The following SEC14L4 variants were observed in gnomAD, a reference collection of about 807,000 sequenced individuals.
SEC14L4 encodes SEC14 like lipid binding 4.
A neutral mutation model predicts 55.1 loss-of-function variants in SEC14L4; 42 were observed. The ratio of observed to expected loss-of-function variants is 0.76; its 90% confidence interval spans 0.60 to 0.99. The LOEUF is 0.99. SEC14L4 is among the 50% of genes least tolerant of loss of function. The pLI, the probability that SEC14L4 is intolerant of heterozygous loss-of-function variation, is 0.00. For missense variants in SEC14L4, 445 were observed against 512.1 expected, an observed-to-expected ratio of 0.87 and a Z score of 1.27; for synonymous variants, 206 against 206.8, an observed-to-expected ratio of 1.00 and a Z score of 0.03.
intron 2 of SEC14L4, among the ~76,000 whole-genome samples, chr22:30,497,114 A>C (rs1412125053): frequency 6.6e-6 from 1 of 152,098 alleles, no homozygotes; most frequent in Non-Finnish European, 1.5e-5. Context: ...CAAGGCGGGC[A>C]GATCACTTGA....
intron 2 of SEC14L4, among the ~76,000 whole-genome samples, chr22:30,503,413 T>C (rs1034521409): frequency 1.7e-4 from 26 of 152,044 alleles, no homozygotes; most frequent in Admixed American, 1.3e-3. Flanking sequence ...TACAGGCATG[T>C]GCCACCAAGC....
chr22:30,496,268 A>G (rs9608946), intron 2 of SEC14L4, among the ~76,000 whole-genome samples: 33,979 of 150,704 alleles, frequency 0.23, 3,861 homozygotes, highest in Admixed American at 0.27. Context: ...CCACACCACC[A>G]TGCCTGGCTA....
chr22:30,495,032 C>G, intron 5 of SEC14L4, 71 bp from the exon 6 acceptor site: 4 of 1,298,954 alleles, frequency 3.1e-6, no homozygotes, highest in Middle Eastern at 3.7e-4. Flanking sequence ...GAGACTTGGG[C>G]ACCTCTCCCC....
At chr22:30,494,267 G>A (rs922699769) in intron 6 of SEC14L4, 57 bp from the exon 7 acceptor site, 3 of 1,393,328 alleles carry the variant, frequency 2.2e-6, no homozygotes, top group Admixed American at 1.7e-5. Context: ...CCGCCCATGG[G>A]TTTCTGTGGC....
At chr22:30,493,320 A>T (rs958123273) in intron 7 of SEC14L4, among the ~76,000 whole-genome samples, 1 of 152,148 alleles carries the variant, frequency 6.6e-6, no homozygotes, top group African/African-American at 2.4e-5. Context: ...CTGTGGGCCA[A>T]GCTCTGTGCT....
chr22:30,492,036 G>C lies in SEC14L4; in HGVS notation c.771+13C>G. Reference sequence around the variant, plus strand: ...CTTCTCCCCTCCTTCCCCATCCTCTGGGCACCCTGTACCTTGGTCAGGCAC... The same window carrying C: ...CTTCTCCCCTCCTTCCCCATCCTCTCGGCACCCTGTACCTTGGTCAGGCAC... On this transcript the variant is annotated intron_variant, in intron 9 of 11. Transcript: ENST00000255858. The C allele has an allele frequency of 6.2e-7, 1 of 1,613,664 alleles. No homozygotes were observed. The highest frequency in any genetic ancestry group is 8.5e-7 in the Non-Finnish European group (1 of 1,179,706).
intron 2 of SEC14L4, among the ~76,000 whole-genome samples, chr22:30,500,197 C>A (rs1467346344): frequency 6.6e-6 from 1 of 152,042 alleles, no homozygotes; most frequent in Non-Finnish European, 1.5e-5. Context: ...TGGCGGAATT[C>A]ATCTGTAGAA....
At chr22:30,499,067 A>T (rs1334216333) in intron 2 of SEC14L4, among the ~76,000 whole-genome samples, 2 of 151,844 alleles carry the variant, frequency 1.3e-5, no homozygotes, top group Non-Finnish European at 1.5e-5. Flanking sequence ...CAGCCTCCTG[A>T]GTAGCTGAGA....
In SEC14L4 at chr22:30,503,744, C is replaced by G. The variant is rs751744744; in HGVS notation, c.63G>C (p.Glu21Asp). ...QQQEALARFR[E>D]NLQDLLPILP... ...GTATGGGCAGCAGGTCCTGGAGGTT[C>G]TCCCGGAACTGAGCGGAGGAGGATC... The change falls in exon 2 of 12, where the codon GAG becomes GAC. Residue 21 changes from glutamate (E) to aspartate (D), a missense_variant. By Grantham distance (45) the Glu-to-Asp change is conservative (BLOSUM62 2). Coordinates refer to ENST00000255858, the MANE Select transcript of SEC14L4 (RefSeq NM_174977.4). 6.2e-7 allele frequency: 1 copy of G among 1,611,886 alleles called. No homozygotes were observed. Among genetic ancestry groups the G allele is most frequent in the South Asian group, 1.1e-5 (1 of 91,046 alleles).
At position 30,492,117 on chromosome 22, in the gene SEC14L4, C is replaced by T; in HGVS notation, c.703G>A (p.Asp235Asn). ...KQELTKFISP[D>N]QLPVEFGGTM... ...CCCCCAAACTCCACAGGCAGCTGGT[C>T]GGGGCTGATGAATTTTGTCAGCTCC... is the stretch of plus-strand genomic sequence containing the variant. The change falls in exon 9 of 12, where the codon GAC becomes AAC. Residue 235 changes from aspartate to asparagine, a missense_variant. Transcript: ENST00000255858. 3.7e-6 allele frequency: 6 copies of T among 1,613,796 alleles called. No homozygotes were observed. Among genetic ancestry groups the T allele is most frequent in the Non-Finnish European group, 5.1e-6 (6 of 1,179,806 alleles).
intron 5 of SEC14L4, 77 bp downstream of exon 5, chr22:30,495,177 G>A: frequency 5.1e-6 from 7 of 1,374,672 alleles, no homozygotes; most frequent in Non-Finnish European, 6.8e-6. Flanking sequence ...GGCTGGGGAG[G>A]GGCAGGGTGC....
intron 11 of SEC14L4, among the ~76,000 whole-genome samples, chr22:30,491,188 G>A (rs1332584432): frequency 6.6e-6 from 1 of 152,178 alleles, no homozygotes; most frequent in African/African-American, 2.4e-5. Flanking sequence ...AAGGCCTGGG[G>A]GTGAATGATA....
chr22:30,492,528 A>G lies in SEC14L4; in HGVS notation c.610T>C (p.Leu204=). ...APKLFPVAFN[L]VKSFMSEETR... The stretch of plus-strand genomic sequence containing the variant: ...TCCTCACTCATGAACGACTTGACCA[A>G]GTTGAAGGCCACGGGGAACAGTTTT... Residue 204 remains leucine (L), a synonymous_variant, in exon 8 of 12, where the codon TTG becomes CTG. Transcript: ENST00000255858. 6.2e-7 allele frequency: 1 copy of G among 1,614,010 alleles called. No homozygotes were observed. Among genetic ancestry groups the G allele is most frequent in the East Asian group, 2.2e-5 (1 of 44,872 alleles).
chr22:30,497,418 G>A (rs554181618), intron 2 of SEC14L4, among the ~76,000 whole-genome samples: 6 of 151,272 alleles, frequency 4.0e-5, no homozygotes, highest in African/African-American at 1.5e-4. Flanking sequence ...CCAGCTACTC[G>A]GGAGGCTGAG....
At chr22:30,496,089 C>T (rs1023005974) in intron 2 of SEC14L4, 118 bp from the exon 3 acceptor site, 1 of 698,734 alleles carries the variant, frequency 1.4e-6, no homozygotes, top group Non-Finnish European at 2.5e-6. Flanking sequence ...CCCAATAATA[C>T]ATTGAACATC....
chr22:30,495,485 G>A (rs368436655), intron 4 of SEC14L4, 43 bp from the exon 5 acceptor site: 26 of 1,608,640 alleles, frequency 1.6e-5, no homozygotes, highest in Non-Finnish European at 2.0e-5. Context: ...AGCTCACCAG[G>A]CTGGGTCCCT....
chr22:30,505,647 T>TCCGC lies in SEC14L4; in HGVS notation c.-40_-37dup, dbSNP rs746820215. The TCCGC allele has an allele frequency of 5.7e-5, 86 of 1,521,984 alleles. No individual in the cohort carries two copies. The African/African-American group carries it at 9.0e-4, about 16-fold the overall frequency. The allele number at this position is 1,521,984 out of a possible 1,614,324, so 94.3% of individuals were successfully genotyped here. A position where few individuals can be genotyped will look rare whatever the true frequency, so the allele number is the denominator to read the frequency against. On this transcript the variant is annotated 5_prime_UTR_variant, in exon 1 of 12. Coordinates refer to ENST00000255858, the MANE Select transcript of SEC14L4 (RefSeq NM_174977.4). ...GGCGCAGAAAGGCTCAGGGCGCAGG[T>TCCGC]CCGCCCGCCCGCCGCCGCCTGGCCT...
intron 5 of SEC14L4, 31 bp from the exon 6 acceptor site, chr22:30,494,992 G>A (rs200137736): frequency 5.0e-5 from 79 of 1,580,344 alleles, no homozygotes; most frequent in Middle Eastern, 1.7e-4. Flanking sequence ...TAGGTCAGAC[G>A]ACAGCTCCAG....
At chr22:30,493,608 C>G (rs998577946) in intron 7 of SEC14L4, among the ~76,000 whole-genome samples, 2 of 152,148 alleles carry the variant, frequency 1.3e-5, no homozygotes, top group Non-Finnish European at 2.9e-5. Context: ...AAGTAAGTAA[C>G]AGTAAACATT....
Sources: allele counts gnomAD v4.1 joint callset (sites outside exome capture counted in the v4.1 genomes callset), GRCh38; gene constraint gnomAD v4.1.1; transcripts MANE v1.5; gene names NCBI Gene and HGNC (gene_info 2026-07-23, HGNC 2026-07-21).